Variants in TEX11 observed in about 807,000 individuals in gnomAD.
TEX11 encodes the protein testis expressed 11, also known as testis-expressed protein 11.
TEX11 carries 7 observed loss-of-function variants against 84.4 expected under a neutral mutation model. That is an observed-to-expected ratio of 0.08 (90% CI 0.05 to 0.16). The LOEUF is 0.16. TEX11 is among the 10% of genes least tolerant of loss of function. The probability of loss-of-function intolerance (pLI) is 1.00; values close to 1 mark genes in which losing one functional copy is unlikely to be tolerated. For synonymous variants in TEX11, 264 were observed against 222.8 expected (o/e 1.18, Z -1.64); for missense variants, 551 against 660.5 (o/e 0.83, Z 1.82).
At chrX:70,843,789 G>C (rs2147844528) in intron 7 of TEX11, among the ~76,000 whole-genome samples, 2 of 111,896 alleles carry the variant, frequency 1.8e-5, no homozygotes, top group South Asian at 7.5e-4. Flanking sequence ...CCATCAACAA[G>C]TGGGCGAAGG....
At chrX:70,571,732 G>A (rs1291537884) in intron 25 of TEX11, among the ~76,000 whole-genome samples, 2 of 111,589 alleles carry the variant, frequency 1.8e-5, no homozygotes, top group Non-Finnish European at 3.8e-5. Context: ...TTTGAAACTT[G>A]TTGAGACTTG....
chrX:70,539,193 C>A (rs1291282044), intron 28 of TEX11, among the ~76,000 whole-genome samples: 2 of 106,158 alleles, frequency 1.9e-5, no homozygotes, highest in East Asian at 5.9e-4. Context: ...TACCACCACG[C>A]CCGGCTAACT....
intron 3 of TEX11, among the ~76,000 whole-genome samples, chrX:70,878,849 T>A (rs778251549): frequency 5.0e-4 from 56 of 111,185 alleles, no homozygotes; most frequent in African/African-American, 1.8e-3. Context: ...TTATTCATAA[T>A]AGCCAAAAGG....
intron 26 of TEX11, 50 bp downstream of exon 26, chrX:70,554,582 AAGAGAAGAAAAAAAGTCAT>A: frequency 3.8e-6 from 4 of 1,040,120 alleles, no homozygotes; most frequent in Non-Finnish European, 5.1e-6. Flanking sequence ...AAGAAGAGTA[AAGAGAAGAAAAAAAGTCAT>A]ACGATCTAAA....
downstream of TEX11, among the ~76,000 whole-genome samples, chrX:70,525,119 T>C (rs1437301140): frequency 9.0e-6 from 1 of 111,257 alleles, no homozygotes; most frequent in Non-Finnish European, 1.9e-5. Context: ...AGTTTGAAGC[T>C]GCAGTGAGCT....
chrX:70,777,155 G>T (rs2091007380), intron 9 of TEX11, among the ~76,000 whole-genome samples: 1 of 108,430 alleles, frequency 9.2e-6, no homozygotes, highest in Non-Finnish European at 1.9e-5. Context: ...TGGGATTACA[G>T]CCAGGAGCCA....
intron 8 of TEX11, among the ~76,000 whole-genome samples, chrX:70,817,061 A>C (rs898721078): frequency 5.4e-5 from 6 of 110,782 alleles, no homozygotes; most frequent in Admixed American, 4.9e-4. Flanking sequence ...ATTAGGATGA[A>C]TATTTTGTTG....
intron 13 of TEX11, among the ~76,000 whole-genome samples, chrX:70,710,174 A>C (rs746691679): frequency 1.8e-5 from 2 of 111,755 alleles, no homozygotes; most frequent in African/African-American, 3.2e-5. Flanking sequence ...ATAAATGACA[A>C]ATGTTAACAT....
intron 28 of TEX11, among the ~76,000 whole-genome samples, chrX:70,549,982 G>C (rs1184787340): frequency 8.9e-6 from 1 of 112,671 alleles, no homozygotes; most frequent in African/African-American, 3.2e-5. Flanking sequence ...GGTCTGACCA[G>C]CACAGTCCCA....
In TEX11 at chrX:70,662,922, G is replaced by C. The variant is rs976915199; in HGVS notation, c.1380+7455C>G. Among the ~76,000 whole-genome samples the C allele has an allele frequency of 2.7e-5, 3 of 111,206 alleles. No homozygotes were observed. In the Admixed American group the frequency reaches 2.9e-4, roughly 11 times the overall value. On this transcript the variant is annotated intron_variant, in intron 16 of 29. Transcript: ENST00000374333. ...TGGAAGTCTTCTATATCTAGACCAT[G>C]GTAGTGGGTAAATTTGGGGTATAAA... is the stretch of plus-strand genomic sequence containing the variant.
At chrX:70,601,883 C>G (rs1324175278) in intron 24 of TEX11, among the ~76,000 whole-genome samples, 1 of 109,818 alleles carries the variant, frequency 9.1e-6, no homozygotes, top group Non-Finnish European at 1.9e-5. Context: ...GATCCCAAGG[C>G]AGAAGAATTT....
At chrX:70,604,186 A>G (rs1353389283) in intron 24 of TEX11, among the ~76,000 whole-genome samples, 2 of 112,015 alleles carry the variant, frequency 1.8e-5, no homozygotes, top group Admixed American at 9.4e-5. Flanking sequence ...ATTCACTAAG[A>G]TAAAAAATTA....
chrX:70,815,412 T>A (rs1013625453), intron 8 of TEX11, among the ~76,000 whole-genome samples: 1 of 111,201 alleles, frequency 9.0e-6, no homozygotes, highest in African/African-American at 3.3e-5. Flanking sequence ...ATTACAGTAG[T>A]TCCCCCCATC....
At chrX:70,535,014 T>C (rs927444333) in intron 28 of TEX11, among the ~76,000 whole-genome samples, 2 of 111,185 alleles carry the variant, frequency 1.8e-5, no homozygotes, top group African/African-American at 6.5e-5. Flanking sequence ...CTACTCTCAT[T>C]TCTGTCTCTT....
chrX:70,631,385 C>T (rs1239391115), intron 17 of TEX11, among the ~76,000 whole-genome samples: 1 of 112,156 alleles, frequency 8.9e-6, no homozygotes, highest in South Asian at 3.7e-4. Context: ...AGTAACACAT[C>T]TAAATAATCC....
At chrX:70,853,604 TTAGA>T (rs1057492416) in intron 5 of TEX11, among the ~76,000 whole-genome samples, 7 of 112,416 alleles carry the variant, frequency 6.2e-5, no homozygotes, top group South Asian at 3.7e-4. Flanking sequence ...TTGAAGTAAC[TTAGA>T]TAGGAAGAGA....
At chrX:70,587,378 T>C (rs1272068253) in intron 25 of TEX11, among the ~76,000 whole-genome samples, 1 of 112,230 alleles carries the variant, frequency 8.9e-6, no homozygotes, top group East Asian at 2.8e-4. Flanking sequence ...GCTTCTCTGC[T>C]TTGTGTACTC....
rs1188246185 is a variant in TEX11 at position 70,907,741 on chromosome X, A to T, written c.37+12T>A. On this transcript the variant is annotated intron_variant, in intron 2 of 29. Coordinates refer to ENST00000374333, the MANE Select transcript of TEX11 (RefSeq NM_031276.3). ...TTGACACTATTTTGTACTACCACGT[A>T]GAGCTACGTACCTTTAAAGTCCATG... The T allele has an allele frequency of 8.7e-7, 1 of 1,153,515 alleles. No homozygotes were observed. Among genetic ancestry groups the T allele is most frequent in the Non-Finnish European group, 1.2e-6 (1 of 842,400 alleles).
chrX:70,588,435 A>T (rs1055130908), intron 25 of TEX11, among the ~76,000 whole-genome samples: 1 of 109,509 alleles, frequency 9.1e-6, no homozygotes, highest in Non-Finnish European at 1.9e-5. Context: ...TTTATAAGGG[A>T]CTCTTCCCCT....
Sources: allele counts gnomAD v4.1 joint callset (sites outside exome capture counted in the v4.1 genomes callset), GRCh38; gene constraint gnomAD v4.1.1; transcripts MANE v1.5; gene names NCBI Gene and HGNC (gene_info 2026-07-23, HGNC 2026-07-21).